The following WDR64 variants were observed in gnomAD, a reference collection of about 807,000 sequenced individuals.
WDR64 encodes WD repeat domain 64.
A neutral mutation model predicts 139.3 loss-of-function variants in WDR64; 112 were observed. The observed-to-expected ratio is 0.80, with a 90% CI of 0.69 to 0.94. The LOEUF (loss-of-function observed/expected upper bound fraction) is 0.94, where lower values mean the gene tolerates loss of function less well. Ranked by LOEUF, WDR64 falls within the 40% of genes least tolerant of loss-of-function variation. The pLI is 0.00. For synonymous variants in WDR64, 444 were observed against 437.7 expected (o/e 1.01, Z -0.18); for missense variants, 1,206 against 1,293.1 (o/e 0.93, Z 1.03).
chr1:241,712,560 T>C (rs571664947), intron 9 of WDR64, among the ~76,000 whole-genome samples: 11 of 152,302 alleles, frequency 7.2e-5, no homozygotes, highest in Non-Finnish European at 1.6e-4. Flanking sequence ...GGAGTCAGAC[T>C]GTATGGGTAC....
intron 8 of WDR64, among the ~76,000 whole-genome samples, chr1:241,710,810 A>C (rs1244835105): frequency 6.6e-6 from 1 of 152,226 alleles, no homozygotes; most frequent in Non-Finnish European, 1.5e-5. Flanking sequence ...CAGGTAAAAG[A>C]AATGAAGTCT....
intron 8 of WDR64, among the ~76,000 whole-genome samples, chr1:241,702,097 C>T (rs891041585): frequency 2.0e-5 from 3 of 152,184 alleles, no homozygotes; most frequent in African/African-American, 2.4e-5. Flanking sequence ...ATTAATTATG[C>T]CATGTAAAGC....
chr1:241,702,177 T>G (rs745483138), intron 8 of WDR64, among the ~76,000 whole-genome samples: 1 of 152,200 alleles, frequency 6.6e-6, no homozygotes, highest in Non-Finnish European at 1.5e-5. Context: ...CCAAGAGATA[T>G]GCAACTAACT....
At chr1:241,742,273 G>A (rs1317558071) in intron 12 of WDR64, among the ~76,000 whole-genome samples, 1 of 152,208 alleles carries the variant, frequency 6.6e-6, no homozygotes, top group East Asian at 1.9e-4. Flanking sequence ...AGCTGCCAGA[G>A]GCATTTGAAC....
intron 13 of WDR64, among the ~76,000 whole-genome samples, chr1:241,745,950 A>G (rs1669740454): frequency 6.6e-6 from 1 of 152,214 alleles, no homozygotes; most frequent in Non-Finnish European, 1.5e-5. Flanking sequence ...AATCTGGACA[A>G]GGAGATTGTC....
intron 7 of WDR64, among the ~76,000 whole-genome samples, 164 bp downstream of exon 7, chr1:241,683,865 A>ACC (rs35225606): frequency 4.6e-5 from 1 of 21,896 alleles, no homozygotes; most frequent in Admixed American, 5.2e-4. Flanking sequence ...GTTCATGTAT[A>ACC]CACACACACA....
intron 8 of WDR64, among the ~76,000 whole-genome samples, chr1:241,695,198 TAAATACTC>T (rs1667436844): frequency 6.6e-6 from 1 of 152,218 alleles, no homozygotes; most frequent in Non-Finnish European, 1.5e-5. Flanking sequence ...ACAAAGGCAG[TAAATACTC>T]AAAATACGTC....
intron 15 of WDR64, among the ~76,000 whole-genome samples, chr1:241,764,094 A>G (rs998682676): frequency 6.6e-6 from 1 of 152,214 alleles, no homozygotes; most frequent in Non-Finnish European, 1.5e-5. Flanking sequence ...AACTACAAGT[A>G]TCTCAGTGTG....
At chr1:241,675,067 CT>C (rs1225507446) in intron 4 of WDR64, among the ~76,000 whole-genome samples, 8 of 100,432 alleles carry the variant, frequency 8.0e-5, no homozygotes, top group African/African-American at 2.9e-4. Flanking sequence ...TCCCTTCCTC[CT>C]TCCTGCCTCC....
intron 24 of WDR64, among the ~76,000 whole-genome samples, chr1:241,789,890 TAAAA>T (rs148644236): frequency 6.6e-6 from 1 of 151,848 alleles, no homozygotes; most frequent in Non-Finnish European, 1.5e-5. Flanking sequence ...AAATAAAAGT[TAAAA>T]AAAATAGTTA....
chr1:241,678,768 CT>C (rs1413088206), intron 5 of WDR64, among the ~76,000 whole-genome samples: 1 of 143,518 alleles, frequency 7.0e-6, no homozygotes, highest in East Asian at 2.2e-4. Context: ...CTTGCATGCA[CT>C]GAATACCCTG....
chr1:241,729,931 TC>T (rs1669013738), intron 10 of WDR64, among the ~76,000 whole-genome samples: 2 of 152,312 alleles, frequency 1.3e-5, no homozygotes, highest in South Asian at 4.1e-4. Context: ...CTACCTTTTG[TC>T]CTCATTCTGT....
intron 8 of WDR64, among the ~76,000 whole-genome samples, chr1:241,706,999 A>G (rs771382722): frequency 9.2e-5 from 14 of 151,796 alleles, no homozygotes; most frequent in Non-Finnish European, 2.1e-4. Context: ...CCTGTTGTGC[A>G]TGTTGGCTGG....
chr1:241,772,451 C>T (rs1226608186), intron 19 of WDR64, among the ~76,000 whole-genome samples: 18 of 59,008 alleles, frequency 3.1e-4, no homozygotes, highest in Non-Finnish European at 3.9e-4. Flanking sequence ...AAGATAGATC[C>T]TTTTTTTTTT....
chr1:241,711,876 C>T lies in WDR64; in HGVS notation c.1049C>T (p.Thr350Ile), dbSNP rs1461696963. 6.2e-7 allele frequency: 1 copy of T among 1,614,140 alleles called. No homozygotes were observed. The highest frequency in any genetic ancestry group is 1.1e-5 in the South Asian group (1 of 91,078). Residue 350 changes from threonine (T) to isoleucine (I), a missense_variant, in exon 9 of 28, where the codon ACT becomes ATT. Coordinates refer to ENST00000437684, the MANE Select transcript of WDR64 (RefSeq NM_001367482.1). ...TGTGTTAAGGCAAATGTGATTGTCA[C>T]TGGAGGTGAGAGGGCGGTTCACATT... ...CYCVKANVIV[T>I]GGDDKVIRLW...
intron 1 of WDR64, among the ~76,000 whole-genome samples, chr1:241,659,829 T>C (rs1335083211): frequency 6.6e-6 from 1 of 152,198 alleles, no homozygotes; most frequent in African/African-American, 2.4e-5. Flanking sequence ...GATGGATAGA[T>C]TGCAAAAATT....
chr1:241,673,450 A>G (rs1558464495), intron 3 of WDR64, among the ~76,000 whole-genome samples: 3 of 152,048 alleles, frequency 2.0e-5, no homozygotes, highest in Non-Finnish European at 4.4e-5. Context: ...AACCCTAAGG[A>G]GCCTTTTTAG....
chr1:241,759,753 T>A (rs1253418654), intron 15 of WDR64, among the ~76,000 whole-genome samples: 2 of 152,190 alleles, frequency 1.3e-5, no homozygotes, highest in African/African-American at 4.8e-5. Flanking sequence ...ACTTAGACTA[T>A]TTTTAGGTGC....
chr1:241,726,911 A>G (rs950829605), intron 10 of WDR64, among the ~76,000 whole-genome samples: 1 of 151,626 alleles, frequency 6.6e-6, no homozygotes, highest in Non-Finnish European at 1.5e-5. Flanking sequence ...TTTGAGACGA[A>G]GTTTCATTCT....
Sources: gnomAD v4.1 joint callset for allele counts (sites outside exome capture counted in the v4.1 genomes callset) on GRCh38, gnomAD v4.1.1 for gene constraint, MANE v1.5 for transcripts, NCBI Gene and HGNC (gene_info 2026-07-23, HGNC 2026-07-21) for gene names.